SLC2A9: variants seen among roughly 807,000 people sequenced by gnomAD.
The protein encoded by SLC2A9 is solute carrier family 2 member 9.
A neutral mutation model predicts 50.6 loss-of-function variants in SLC2A9; 39 were observed. The ratio of observed to expected loss-of-function variants is 0.77; its 90% confidence interval spans 0.60 to 1.01. The LOEUF is 1.01. Among genes scored for constraint, SLC2A9 ranks in the 50% least tolerant of loss-of-function variants. The probability of loss-of-function intolerance (pLI) is 0.00; values close to 1 mark genes in which losing one functional copy is unlikely to be tolerated. For synonymous variants in SLC2A9, 324 were observed against 276.9 expected, an observed-to-expected ratio of 1.17 and a Z score of -1.69; for missense variants, 686 against 677.6, an observed-to-expected ratio of 1.01 and a Z score of -0.14.
chr4:9,884,822 C>T (rs144032960), intron 10 of SLC2A9, among the ~76,000 whole-genome samples: 5 of 152,114 alleles, frequency 3.3e-5, no homozygotes, highest in South Asian at 2.1e-4. Flanking sequence ...ATATGTACCA[C>T]GGAATACTAC....
Position 9,845,427 on chromosome 4 carries a change from C to CTTTTTT in SLC2A9, c.1292-10425_1292-10420dup, listed in dbSNP as rs1175166447. ...CCAATGGAACCACGATCATCAATTT[C>CTTTTTT]TTTTTTTTTTTTTTTTTTTTGAGAC... On this transcript the variant is annotated intron_variant, in intron 10 of 11. Coordinates refer to ENST00000264784, the MANE Select transcript of SLC2A9 (RefSeq NM_020041.3). Among the ~76,000 whole-genome samples the CTTTTTT allele has an allele frequency of 1.4e-3, 153 of 108,674 alleles. 14 individuals are homozygous for CTTTTTT. The highest frequency in any genetic ancestry group is 5.3e-3 in the African/African-American group (129 of 24,530). 71.3% of individuals were successfully genotyped at this position (108,674 alleles called of 152,430 possible).
rs778933591 is a variant in SLC2A9, at chr4:9,782,494, C to G, written n.386-2429G>C. ...GCTACAAGCGCAAGATGACTCAGCG[C>G]ATGGCCTTGGTCATGGTCGGCCTGG... is the stretch of plus-strand genomic sequence containing the variant. On this transcript the variant is annotated intron_variant and non_coding_transcript_variant, in intron 3 of 3. Coordinates refer to the SLC2A9 transcript ENST00000503803. 3.7e-6 allele frequency: 6 copies of G among 1,613,894 alleles called. No homozygotes were observed. In the South Asian group the frequency reaches 5.5e-5, roughly 15 times the overall value.
chr4:9,878,949 G>T lies in SLC2A9; in HGVS notation c.1291+8618C>A, dbSNP rs904818679. 10 of 727,350 alleles carry T rather than the reference G, an allele frequency of 1.4e-5. No individual in the cohort carries two copies. In the African/African-American group the frequency reaches 1.5e-4, roughly 11 times the overall value. 45.1% of individuals were successfully genotyped at this position (727,350 alleles called of 1,614,324 possible). On this transcript the variant is annotated intron_variant, in intron 10 of 11. Coordinates refer to ENST00000264784, the MANE Select transcript of SLC2A9 (RefSeq NM_020041.3). ...GTGTCAAAATACACACACACATTTG[G>T]TGTGAGCTGTGGTGGTAGAAAACAC... is the stretch of plus-strand genomic sequence containing the variant.
chr4:9,946,175 G>C (rs1184338735), intron 5 of SLC2A9, among the ~76,000 whole-genome samples: 1 of 152,140 alleles, frequency 6.6e-6, no homozygotes, highest in Non-Finnish European at 1.5e-5. Context: ...GAAAGAAAAG[G>C]ATAGTCTTGT....
At chr4:10,009,308 G>C (rs1001245282) in intron 2 of SLC2A9, among the ~76,000 whole-genome samples, 30 of 152,288 alleles carry the variant, frequency 2.0e-4, no homozygotes, top group African/African-American at 6.7e-4. Flanking sequence ...TGGCATTATG[G>C]GGTGGGATTA....
chr4:9,795,043 A>C (rs1425988473), downstream of SLC2A9, among the ~76,000 whole-genome samples: 3 of 115,090 alleles, frequency 2.6e-5, no homozygotes, highest in South Asian at 2.8e-4. Context: ...ACAAAGTCTC[A>C]CTCTGTCACC....
intron 10 of SLC2A9, among the ~76,000 whole-genome samples, chr4:9,850,031 A>G (rs1036906155): frequency 1.3e-5 from 2 of 151,874 alleles, no homozygotes; most frequent in Non-Finnish European, 2.9e-5. Flanking sequence ...TGGCACACTC[A>G]AGCCACATCT....
At chr4:9,797,362 G>A (rs1028125797), downstream of SLC2A9, among the ~76,000 whole-genome samples, 1 of 152,178 alleles carries the variant, frequency 6.6e-6, no homozygotes, top group Non-Finnish European at 1.5e-5. Flanking sequence ...GCTAAGCCTA[G>A]AACCAAACCT....
chr4:9,850,424 C>A (rs1391226697), intron 10 of SLC2A9, among the ~76,000 whole-genome samples: 1 of 152,266 alleles, frequency 6.6e-6, no homozygotes, highest in Middle Eastern at 3.4e-3. Context: ...GACTGTCAGA[C>A]CTGGACAGAG....
chr4:9,834,927 T>A lies in SLC2A9; in HGVS notation c.1373A>T (p.Asn458Ile). ...PAAFIIAGTV[N>I]WLSNFAVGLL... The stretch of plus-strand genomic sequence containing the variant: ...CCCAACAGCAAAGTTGGAGAGCCAG[T>A]TGACGGTGCCTGCAATGATGAAGGC... Residue 458 changes from asparagine (N) to isoleucine (I), a missense_variant, in exon 11 of 12, where the codon AAC (asparagine) becomes ATC (isoleucine). Physicochemically the swap from Asn to Ile is moderately radical, Grantham distance 149. Coordinates refer to ENST00000264784, the MANE Select transcript of SLC2A9 (RefSeq NM_020041.3). 2 of 1,614,176 alleles carry A rather than the reference T, an allele frequency of 1.2e-6. No homozygotes were observed. Among genetic ancestry groups the A allele is most frequent in the Non-Finnish European group, 1.7e-6 (2 of 1,180,044 alleles).
At chr4:9,771,984 C>T (rs531399253) in intron 1 of SLC2A9, among the ~76,000 whole-genome samples, 1 of 152,272 alleles carries the variant, frequency 6.6e-6, no homozygotes, top group Non-Finnish European at 1.5e-5. Flanking sequence ...GCTGGACAAG[C>T]AGATTGTGAA....
chr4:9,854,744 C>T (rs1432506869), intron 10 of SLC2A9, among the ~76,000 whole-genome samples: 1 of 152,176 alleles, frequency 6.6e-6, no homozygotes, highest in Non-Finnish European at 1.5e-5. Context: ...TCCAGCAGCA[C>T]ATCCAATAGC....
In SLC2A9 at chr4:9,937,665, G is replaced by A. The variant is rs1020588612; in HGVS notation, c.814+4248C>T. Among the ~76,000 whole-genome samples the A allele has an allele frequency of 9.9e-5, 15 of 152,256 alleles. No homozygotes were observed. In the South Asian group the frequency reaches 1.7e-3, roughly 17 times the overall value. ...TCATTGACAAGGGCAAGCATGGAACGTTACACAGCCCCTCTTCTCTCCTCA... is the reference window on the plus strand; with the variant it reads ...TCATTGACAAGGGCAAGCATGGAACATTACACAGCCCCTCTTCTCTCCTCA... On this transcript the variant is annotated intron_variant, in intron 6 of 11. Coordinates refer to ENST00000264784, the MANE Select transcript of SLC2A9 (RefSeq NM_020041.3).
intron 2 of SLC2A9, among the ~76,000 whole-genome samples, chr4:10,005,605 T>G (rs1760651496): frequency 6.6e-6 from 1 of 152,230 alleles, no homozygotes; most frequent in Admixed American, 6.5e-5. Context: ...ATCAAAATTG[T>G]TATGAGTTGC....
At chr4:9,866,890 C>T (rs1287250174) in intron 10 of SLC2A9, among the ~76,000 whole-genome samples, 2 of 152,190 alleles carry the variant, frequency 1.3e-5, no homozygotes, top group Admixed American at 6.5e-5. Context: ...GGTGGGTGGA[C>T]TCTGAGCTCA....
At chr4:9,913,560 C>T (rs1039043073) in intron 7 of SLC2A9, among the ~76,000 whole-genome samples, 9 of 152,188 alleles carry the variant, frequency 5.9e-5, no homozygotes, top group Non-Finnish European at 1.3e-4. Flanking sequence ...GACCTCCTTT[C>T]CCTTCTATTT....
At chr4:9,893,246 G>A (rs1737870411) in intron 8 of SLC2A9, among the ~76,000 whole-genome samples, 1 of 151,646 alleles carries the variant, frequency 6.6e-6, no homozygotes, top group Non-Finnish European at 1.5e-5. Flanking sequence ...CCGCATTCCT[G>A]GCTCTCTGAT....
intron 6 of SLC2A9, among the ~76,000 whole-genome samples, chr4:9,931,943 T>A (rs1453619905): frequency 9.4e-5 from 6 of 63,954 alleles, no homozygotes; most frequent in African/African-American, 5.3e-4. Flanking sequence ...TCTCTCTCTC[T>A]CTCTCTCTCT....
intron 10 of SLC2A9, among the ~76,000 whole-genome samples, chr4:9,856,007 A>C (rs1202145553): frequency 1.3e-5 from 2 of 152,126 alleles, no homozygotes; most frequent in African/African-American, 4.8e-5. Context: ...ATCTATAAAA[A>C]CCCTGGATGA....
Sources: allele counts gnomAD v4.1 joint callset (sites outside exome capture counted in the v4.1 genomes callset), GRCh38; gene constraint gnomAD v4.1.1; transcripts MANE v1.5; gene names NCBI Gene and HGNC (gene_info 2026-07-23, HGNC 2026-07-21).